CNTNAP2: variants seen among roughly 807,000 people sequenced by gnomAD.
CNTNAP2 encodes the protein contactin-associated protein-like 2.
In CNTNAP2, 98 loss-of-function variants were observed where a neutral mutation model predicts 155.2. The observed-to-expected ratio is 0.63, with a 90% CI of 0.54 to 0.75. The LOEUF (loss-of-function observed/expected upper bound fraction) is 0.75, where lower values mean the gene tolerates loss of function less well. Among genes scored for constraint, CNTNAP2 ranks in the 30% least tolerant of loss-of-function variants. CNTNAP2 has a pLI of 0.00. For synonymous variants in CNTNAP2, 651 were observed against 631.2 expected, an observed-to-expected ratio of 1.03 and a Z score of -0.47; for missense variants, 1,727 against 1,688.1, an observed-to-expected ratio of 1.02 and a Z score of -0.40.
intron 15 of CNTNAP2, among the ~76,000 whole-genome samples, chr7:147,981,819 T>TGTGTGTGTGTGTGTGTGTGG (rs1404450002): frequency 2.6e-5 from 3 of 113,744 alleles, no homozygotes; most frequent in South Asian, 3.3e-4. Context: ...GTGTGTGTGG[T>TGTGTGTGTGTGTGTGTGTGG]TTTTTTTTTC....
chr7:148,410,557 AC>A (rs1468876632), intron 23 of CNTNAP2, among the ~76,000 whole-genome samples: 1 of 99,286 alleles, frequency 1.0e-5, no homozygotes, highest in African/African-American at 3.5e-5. Flanking sequence ...ACAGATTGAG[AC>A]CTTTCTCAAA....
chr7:147,344,946 G>A (rs566016320), intron 9 of CNTNAP2, among the ~76,000 whole-genome samples: 1 of 151,728 alleles, frequency 6.6e-6, no homozygotes, highest in South Asian at 2.1e-4. Flanking sequence ...TTTTTATTTT[G>A]TTACTATAAT....
Position 148,111,403 on chromosome 7 carries a change from C to T in CNTNAP2, c.2384-6715C>T, listed in dbSNP as rs117871663. On this transcript the variant is annotated intron_variant, in intron 15 of 23. Transcript: ENST00000361727. ...TATGAAAAAGGGGACTATCAGAGAA[C>T]GAGAAATAATACTTGGAAATTTAAA... Among the ~76,000 whole-genome samples, 283 of 151,580 alleles carry T rather than the reference C, an allele frequency of 1.9e-3. 1 individual carries two copies. The highest frequency in any genetic ancestry group is 5.1e-3 in the Admixed American group (78 of 15,214).
intron 1 of CNTNAP2, among the ~76,000 whole-genome samples, chr7:146,211,261 T>C (rs6946245): frequency 0.29 from 44,341 of 152,036 alleles, 7,345 homozygotes; most frequent in African/African-American, 0.45. Flanking sequence ...GAAAAAAATA[T>C]AGTTTTAAGT....
intron 11 of CNTNAP2, among the ~76,000 whole-genome samples, chr7:147,492,561 T>C (rs979240914): frequency 1.3e-5 from 2 of 152,194 alleles, no homozygotes; most frequent in Non-Finnish European, 2.9e-5. Context: ...AGGGAAGTTA[T>C]GGAGAGGGGA....
chr7:147,782,813 A>T (rs1797679141), intron 13 of CNTNAP2, among the ~76,000 whole-genome samples: 1 of 152,200 alleles, frequency 6.6e-6, no homozygotes, highest in African/African-American at 2.4e-5. Context: ...CTGCCTTCTC[A>T]GCTATCTACA....
chr7:148,080,346 C>T (rs1803570812), intron 15 of CNTNAP2, among the ~76,000 whole-genome samples: 1 of 152,132 alleles, frequency 6.6e-6, no homozygotes, highest in South Asian at 2.1e-4. Context: ...TGGCTCAAGC[C>T]TGTAATCCCA....
intron 15 of CNTNAP2, among the ~76,000 whole-genome samples, chr7:148,094,882 A>G (rs771233776): frequency 2.8e-4 from 43 of 152,216 alleles, no homozygotes; most frequent in Non-Finnish European, 5.7e-4. Flanking sequence ...GGAGCTATCA[A>G]TGGGAAGATA....
At chr7:146,900,319 C>G (rs1795968162) in intron 3 of CNTNAP2, among the ~76,000 whole-genome samples, 1 of 152,116 alleles carries the variant, frequency 6.6e-6, no homozygotes, top group Non-Finnish European at 1.5e-5. Flanking sequence ...TAGTTTAAGC[C>G]TTATTACGAT....
At chr7:147,274,512 TTTGTTG>T (rs757772000) in intron 8 of CNTNAP2, among the ~76,000 whole-genome samples, 2 of 151,996 alleles carry the variant, frequency 1.3e-5, no homozygotes, top group Non-Finnish European at 2.9e-5. Context: ...TTTTAATTTT[TTTGTTG>T]TTGTTGTTGT....
intron 8 of CNTNAP2, among the ~76,000 whole-genome samples, chr7:147,205,724 ATACT>A (rs546693209): frequency 5.5e-4 from 84 of 152,112 alleles, no homozygotes; most frequent in African/African-American, 1.8e-3. Flanking sequence ...TAGTAAGATG[ATACT>A]TACCAGCAGC....
At chr7:146,375,371 C>A (rs564996724) in intron 1 of CNTNAP2, among the ~76,000 whole-genome samples, 4 of 152,316 alleles carry the variant, frequency 2.6e-5, no homozygotes, top group Non-Finnish European at 4.4e-5. Flanking sequence ...CTCACCCAAA[C>A]AATCACAGAT....
chr7:146,933,750 A>C (rs1007678422), intron 3 of CNTNAP2, among the ~76,000 whole-genome samples: 4 of 151,684 alleles, frequency 2.6e-5, no homozygotes, highest in African/African-American at 7.3e-5. Flanking sequence ...AAGAAAAAAA[A>C]ACAAACAACC....
intron 1 of CNTNAP2, among the ~76,000 whole-genome samples, chr7:146,462,714 A>G (rs1584936806): frequency 6.6e-6 from 1 of 152,170 alleles, no homozygotes; most frequent in Admixed American, 6.5e-5. Context: ...TTACTGGATA[A>G]ATACACATGA....
intron 15 of CNTNAP2, among the ~76,000 whole-genome samples, chr7:147,997,462 C>A (rs2116888922): frequency 6.6e-6 from 1 of 151,374 alleles, no homozygotes; most frequent in African/African-American, 2.4e-5. Flanking sequence ...GAGGCTGAGG[C>A]AGGAGAATCG....
chr7:147,226,339 C>T (rs1471428669), intron 8 of CNTNAP2, among the ~76,000 whole-genome samples: 1 of 152,098 alleles, frequency 6.6e-6, no homozygotes, highest in Non-Finnish European at 1.5e-5. Context: ...GAAACCATTT[C>T]CTTCTTCCTA....
At chr7:146,920,500 A>G (rs2129219787) in intron 3 of CNTNAP2, among the ~76,000 whole-genome samples, 1 of 152,258 alleles carries the variant, frequency 6.6e-6, no homozygotes, top group East Asian at 1.9e-4. Context: ...AAATAATAAC[A>G]TCACTTTTTG....
At chr7:146,816,505 A>G (rs1351111221) in intron 2 of CNTNAP2, among the ~76,000 whole-genome samples, 1 of 152,190 alleles carries the variant, frequency 6.6e-6, no homozygotes, top group African/African-American at 2.4e-5. Context: ...TCTAAGAGAA[A>G]CTAATGGGCA....
intron 4 of CNTNAP2, among the ~76,000 whole-genome samples, chr7:147,074,257 A>G (rs1414589166): frequency 6.6e-6 from 1 of 151,952 alleles, no homozygotes; most frequent in Non-Finnish European, 1.5e-5. Context: ...ATATTCTTGG[A>G]TGGTGTGCTT....
Sources: gnomAD v4.1 joint callset for allele counts (sites outside exome capture counted in the v4.1 genomes callset) on GRCh38, gnomAD v4.1.1 for gene constraint, MANE v1.5 for transcripts, NCBI Gene and HGNC (gene_info 2026-07-23, HGNC 2026-07-21) for gene names.